Variants in PHKB observed in about 807,000 individuals in gnomAD.
The protein encoded by PHKB is phosphorylase kinase regulatory subunit beta, also known as phosphorylase b kinase regulatory subunit beta.
PHKB carries 122 observed loss-of-function variants against 152.1 expected under a neutral mutation model. That is an observed-to-expected ratio of 0.80 (90% CI 0.69 to 0.93). PHKB has a LOEUF of 0.93. PHKB is among the 40% of genes least tolerant of loss of function. The probability of loss-of-function intolerance (pLI) is 0.00; values close to 1 mark genes in which losing one functional copy is unlikely to be tolerated. For missense variants in PHKB, 1,304 were observed against 1,328.4 expected, an observed-to-expected ratio of 0.98 and a Z score of 0.29; for synonymous variants, 436 against 464.9, an observed-to-expected ratio of 0.94 and a Z score of 0.80.
intron 29 of PHKB, among the ~76,000 whole-genome samples, chr16:47,697,995 G>A (rs1297767578): frequency 1.3e-5 from 2 of 152,122 alleles, no homozygotes; most frequent in Admixed American, 6.6e-5. Context: ...GCTCCAGGTC[G>A]TTTGATCCTG....
intron 14 of PHKB, among the ~76,000 whole-genome samples, chr16:47,619,597 C>A (rs1348325978): frequency 1.3e-5 from 2 of 152,314 alleles, no homozygotes. Flanking sequence ...ACTCCCTCTC[C>A]CCATTCACCC....
In PHKB at chr16:47,661,812, T is replaced by TTA; in HGVS notation, c.2278+12_2278+13insTA. 1 of 1,564,916 alleles carries TTA rather than the reference T, an allele frequency of 6.4e-7. No homozygotes were observed. Among genetic ancestry groups the TTA allele is most frequent in the Non-Finnish European group, 8.8e-7 (1 of 1,135,122 alleles). ...CATCACAAAGGAAGGTAAGCATGCA[T>TTA]GTCTAGGAGAACATTTTAAGAGGAC... On this transcript the variant is annotated intron_variant, in intron 23 of 30. Transcript: ENST00000323584.
At chr16:47,551,935 TC>T (rs1971278924) in intron 7 of PHKB, among the ~76,000 whole-genome samples, 1 of 152,220 alleles carries the variant, frequency 6.6e-6, no homozygotes, top group Non-Finnish European at 1.5e-5. Flanking sequence ...AGTTAGCTCT[TC>T]TTGTTGCATT....
intron 26 of PHKB, among the ~76,000 whole-genome samples, chr16:47,669,703 G>A (rs1221848971): frequency 6.6e-6 from 1 of 152,168 alleles, no homozygotes; most frequent in Non-Finnish European, 1.5e-5. Context: ...CGTGTAAAAC[G>A]CTAAGCACAG....
At chr16:47,672,812 A>G (rs868220189) in intron 26 of PHKB, among the ~76,000 whole-genome samples, 1 of 152,128 alleles carries the variant, frequency 6.6e-6, no homozygotes, top group Admixed American at 6.5e-5. Flanking sequence ...CTGTTTTTAT[A>G]TCTGTTACTC....
At chr16:47,616,348 A>G (rs1972513442) in intron 14 of PHKB, among the ~76,000 whole-genome samples, 1 of 151,550 alleles carries the variant, frequency 6.6e-6, no homozygotes, top group African/African-American at 2.4e-5. Context: ...TTAATTTTAT[A>G]TACGGTGTGA....
chr16:47,572,309 G>T (rs1055212443), intron 7 of PHKB, among the ~76,000 whole-genome samples: 1 of 152,154 alleles, frequency 6.6e-6, no homozygotes, highest in Non-Finnish European at 1.5e-5. Context: ...GTCTCTCAGG[G>T]TTTGATACTC....
intron 1 of PHKB, among the ~76,000 whole-genome samples, chr16:47,476,119 C>T (rs1000280953): frequency 3.9e-5 from 6 of 152,042 alleles, no homozygotes; most frequent in African/African-American, 1.2e-4. Context: ...ATCCTTTCTT[C>T]TCAGCCTCTC....
chr16:47,496,781 G>T (rs1440046537), intron 1 of PHKB, among the ~76,000 whole-genome samples: 1 of 152,152 alleles, frequency 6.6e-6, no homozygotes, highest in Non-Finnish European at 1.5e-5. Flanking sequence ...AGCTGACTCT[G>T]CTAACACCTT....
chr16:47,678,016 G>A (rs1160120399), intron 26 of PHKB, among the ~76,000 whole-genome samples: 6 of 149,992 alleles, frequency 4.0e-5, no homozygotes, highest in Non-Finnish European at 5.9e-5. Flanking sequence ...GAGAACATGC[G>A]GTGTTTCCTT....
intron 20 of PHKB, among the ~76,000 whole-genome samples, chr16:47,660,167 T>C (rs1252941692): frequency 2.6e-5 from 4 of 152,184 alleles, no homozygotes; most frequent in Non-Finnish European, 5.9e-5. Flanking sequence ...CTGTCAGAAA[T>C]GTTATTTTTT....
chr16:47,542,853 A>G (rs558309122), intron 6 of PHKB, among the ~76,000 whole-genome samples: 1 of 152,302 alleles, frequency 6.6e-6, no homozygotes, highest in East Asian at 1.9e-4. Flanking sequence ...TTGATTTTGT[A>G]TCCTGAGACT....
chr16:47,515,605 T>G lies in PHKB; in HGVS notation c.594+4T>G, dbSNP rs527478463. On this transcript the variant is annotated splice_donor_region_variant and intron_variant, in intron 6 of 30. Coordinates refer to ENST00000323584, the MANE Select transcript of PHKB (RefSeq NM_000293.3). ...GATTATCTACAACACTGATGAGGTA[T>G]GCTTTCCCCAAATTTTCTATTACTA... The G allele has an allele frequency of 1.4e-5, 18 of 1,252,938 alleles. No homozygotes were observed. Among genetic ancestry groups the G allele is most frequent in the Non-Finnish European group, 1.9e-5 (16 of 851,314 alleles). The allele number at this position is 1,252,938 out of a possible 1,614,324, so 77.6% of individuals were successfully genotyped here.
intron 4 of PHKB, among the ~76,000 whole-genome samples, chr16:47,507,019 G>C (rs1024584585): frequency 3.9e-5 from 6 of 152,112 alleles, no homozygotes; most frequent in Non-Finnish European, 8.8e-5. Context: ...GGTCACCCAG[G>C]CTTGAATGCA....
chr16:47,519,443 C>G (rs1438277535), intron 6 of PHKB, among the ~76,000 whole-genome samples: 7 of 152,202 alleles, frequency 4.6e-5, no homozygotes, highest in Admixed American at 1.3e-4. Context: ...TCAGCTGGCT[C>G]TGCACTCATC....
chr16:47,517,923 G>A (rs1005662690), intron 6 of PHKB, among the ~76,000 whole-genome samples: 3 of 152,098 alleles, frequency 2.0e-5, no homozygotes, highest in Non-Finnish European at 4.4e-5. Flanking sequence ...TTGAGATTCT[G>A]TATAATGTGT....
intron 6 of PHKB, among the ~76,000 whole-genome samples, chr16:47,517,194 A>T (rs1970612007): frequency 6.6e-6 from 1 of 152,040 alleles, no homozygotes; most frequent in Non-Finnish European, 1.5e-5. Flanking sequence ...ACATCTTATG[A>T]TAACCGTTTA....
chr16:47,512,210 A>C (rs1038912817), intron 5 of PHKB, among the ~76,000 whole-genome samples: 1 of 152,256 alleles, frequency 6.6e-6, no homozygotes, highest in African/African-American at 2.4e-5. Context: ...TACATTCTAT[A>C]AATTGTTCAA....
At chr16:47,481,007 T>G (rs1203240601) in intron 1 of PHKB, among the ~76,000 whole-genome samples, 1 of 152,202 alleles carries the variant, frequency 6.6e-6, no homozygotes, top group Non-Finnish European at 1.5e-5. Context: ...TAATTTACAT[T>G]TTGATGTCTT....
Sources: allele counts gnomAD v4.1 joint callset (sites outside exome capture counted in the v4.1 genomes callset), GRCh38; gene constraint gnomAD v4.1.1; transcripts MANE v1.5; gene names NCBI Gene and HGNC (gene_info 2026-07-23, HGNC 2026-07-21).